Variants in PARD3B observed in about 807,000 individuals in gnomAD.
PARD3B encodes partitioning defective 3 homolog B.
A neutral mutation model predicts 130.2 loss-of-function variants in PARD3B; 103 were observed. That is an observed-to-expected ratio of 0.79 (90% CI 0.67 to 0.93). PARD3B has a LOEUF of 0.93. PARD3B is among the 40% of genes least tolerant of loss of function. The pLI is 0.00. For missense variants in PARD3B, 1,609 were observed against 1,499.2 expected (o/e 1.07, Z -1.21); for synonymous variants, 583 against 553.2 (o/e 1.05, Z -0.76).
intron 10 of PARD3B, among the ~76,000 whole-genome samples, chr2:205,156,334 G>A (rs1412489585): frequency 6.6e-6 from 1 of 151,164 alleles, no homozygotes; most frequent in Non-Finnish European, 1.5e-5. Flanking sequence ...AATGGGTGCA[G>A]CACACCAGCA....
chr2:204,638,949 C>A (rs1325866689), intron 1 of PARD3B, among the ~76,000 whole-genome samples: 4 of 151,962 alleles, frequency 2.6e-5, no homozygotes, highest in Non-Finnish European at 5.9e-5. Context: ...TGCTTATTAA[C>A]TATGTGTCCT....
chr2:205,239,916 TTCAGCAAAAGCC>T (rs1215035320), intron 15 of PARD3B, among the ~76,000 whole-genome samples: 1 of 152,162 alleles, frequency 6.6e-6, no homozygotes, highest in Admixed American at 6.5e-5. Context: ...TAGCCCCCTT[TTCAGCAAAAGCC>T]TTGTTTTGTG....
chr2:205,331,911 G>A (rs568600462), intron 18 of PARD3B, among the ~76,000 whole-genome samples: 1 of 150,644 alleles, frequency 6.6e-6, no homozygotes, highest in Non-Finnish European at 1.5e-5. Flanking sequence ...TTCAAAACCA[G>A]TTCGGCCAAC....
chr2:204,688,850 C>A (rs193116220), intron 2 of PARD3B, among the ~76,000 whole-genome samples: 1 of 152,184 alleles, frequency 6.6e-6, no homozygotes, highest in Non-Finnish European at 1.5e-5. Flanking sequence ...AATTGGCTAC[C>A]TAATAATCTT....
In PARD3B at chr2:205,288,688, G is replaced by C. The variant is rs112455278; in HGVS notation, c.2186-11842G>C. On this transcript the variant is annotated intron_variant, in intron 16 of 22. Transcript: ENST00000406610. This position sits in a 1 kb window ranked among gnomAD's most constrained non-coding sequence, Gnocchi z 4.0. ...TTGTTACTAGTCACTCCATCCTCCC[G>C]GTGTCCCCACCCCCCAGGAGACGTG... Among the ~76,000 whole-genome samples the C allele has an allele frequency of 6.6e-6, 1 of 151,826 alleles. No homozygotes were observed. The highest frequency in any genetic ancestry group is 1.5e-5 in the Non-Finnish European group (1 of 67,956).
rs1490067897 is a variant in PARD3B, at chr2:204,673,140, G to A, written c.121-13041G>A. Reference sequence around the variant, plus strand: ...TCATACTTTTTCCACGAAGCATTTTGGGGAGTATGCTGAATTATCCTATTT... The same window carrying A: ...TCATACTTTTTCCACGAAGCATTTTAGGGAGTATGCTGAATTATCCTATTT... On this transcript the variant is annotated intron_variant, in intron 1 of 22. Transcript: ENST00000406610. This position sits in a 1 kb window ranked among gnomAD's most constrained non-coding sequence, Gnocchi z 4.7. 6.6e-6 allele frequency among the ~76,000 whole-genome samples: 1 copy of A among 152,128 alleles called. No homozygotes were observed. Among genetic ancestry groups the A allele is most frequent in the African/African-American group, 2.4e-5 (1 of 41,430 alleles).
chr2:204,676,017 A>G (rs530445001), intron 1 of PARD3B, among the ~76,000 whole-genome samples: 91 of 152,106 alleles, frequency 6.0e-4, no homozygotes, highest in Middle Eastern at 6.8e-3. Flanking sequence ...TCTTTAAAAT[A>G]AGAGGCCTAT....
intron 3 of PARD3B, among the ~76,000 whole-genome samples, chr2:205,014,822 GA>G (rs1235562211): frequency 6.6e-6 from 1 of 152,204 alleles, no homozygotes; most frequent in Non-Finnish European, 1.5e-5. Flanking sequence ...ATTAGAGTCA[GA>G]GAAGGTTTCT....
At chr2:205,251,105 C>G (rs1262806336) in intron 16 of PARD3B, among the ~76,000 whole-genome samples, 1 of 152,126 alleles carries the variant, frequency 6.6e-6, no homozygotes, top group Admixed American at 6.5e-5. Flanking sequence ...ACATATCAAG[C>G]TATCTGATAC....
At chr2:205,522,242 A>C (rs1412268477) in intron 21 of PARD3B, among the ~76,000 whole-genome samples, 1 of 151,784 alleles carries the variant, frequency 6.6e-6, no homozygotes, top group African/African-American at 2.4e-5. Flanking sequence ...TTTTGAACTT[A>C]GTTTAGGTAT....
At chr2:204,725,982 A>C (rs1042848655) in intron 2 of PARD3B, among the ~76,000 whole-genome samples, 1 of 152,194 alleles carries the variant, frequency 6.6e-6, no homozygotes, top group African/African-American at 2.4e-5. Context: ...CTGATTGGGA[A>C]GCTAAGAAGC....
chr2:204,858,056 A>G (rs2045026890), intron 2 of PARD3B, among the ~76,000 whole-genome samples: 1 of 152,188 alleles, frequency 6.6e-6, no homozygotes, highest in African/African-American at 2.4e-5. Context: ...AAATTATGGT[A>G]TAAATGGATA....
In PARD3B at chr2:205,452,633, T is replaced by A. The variant is rs145865102; in HGVS notation, c.3044+11961T>A. Among the ~76,000 whole-genome samples the A allele has an allele frequency of 3.8e-3, 579 of 152,328 alleles. 3 individuals are homozygous for A. Among genetic ancestry groups the A allele is most frequent in the African/African-American group, 0.013 (533 of 41,574 alleles). ...AGATAAATGCTAATAGTAACTGATA[T>A]ACCATTAACTCTACTTTCCTCCATC... is the stretch of plus-strand genomic sequence containing the variant. On this transcript the variant is annotated intron_variant, in intron 20 of 22. Coordinates refer to ENST00000406610, the MANE Select transcript of PARD3B (RefSeq NM_001302769.2).
intron 1 of PARD3B, among the ~76,000 whole-genome samples, chr2:204,588,723 G>T (rs377368736): frequency 2.6e-5 from 4 of 152,122 alleles, no homozygotes; most frequent in African/African-American, 9.7e-5. Flanking sequence ...TCAGAAAAAT[G>T]TATTCCCCAC....
At chr2:204,573,896 A>G (rs2032126287) in intron 1 of PARD3B, among the ~76,000 whole-genome samples, 1 of 152,184 alleles carries the variant, frequency 6.6e-6, no homozygotes, top group African/African-American at 2.4e-5. Context: ...TGCTGAGCCC[A>G]GGGTTAACTA....
intron 1 of PARD3B, among the ~76,000 whole-genome samples, chr2:204,556,097 C>T (rs10190012): frequency 0.061 from 9,257 of 152,256 alleles, 911 homozygotes; most frequent in African/African-American, 0.21. Flanking sequence ...CATAGTAGGG[C>T]ATCAGTAAGT....
chr2:205,069,904 A>T (rs2125481061), intron 4 of PARD3B, among the ~76,000 whole-genome samples: 1 of 152,266 alleles, frequency 6.6e-6, no homozygotes, highest in Non-Finnish European at 1.5e-5. Context: ...TTCTTGTTTA[A>T]TCCCCCACTA....
At chr2:204,550,479 A>G (rs1241431404) in intron 1 of PARD3B, among the ~76,000 whole-genome samples, 1 of 151,130 alleles carries the variant, frequency 6.6e-6, no homozygotes, top group Non-Finnish European at 1.5e-5. Flanking sequence ...AATAAGGGAA[A>G]GGCTTGTCTA....
intron 19 of PARD3B, among the ~76,000 whole-genome samples, chr2:205,438,782 G>A (rs2047608537): frequency 6.6e-6 from 1 of 152,126 alleles, no homozygotes; most frequent in Admixed American, 6.5e-5. Flanking sequence ...GTTGCCGTAT[G>A]CAAAAATATA....
Sources: gnomAD v4.1 joint callset for allele counts (sites outside exome capture counted in the v4.1 genomes callset) on GRCh38, gnomAD v4.1.1 for gene constraint, Gnocchi (gnomAD v3.1) non-coding constraint, MANE v1.5 for transcripts, NCBI Gene and HGNC (gene_info 2026-07-23, HGNC 2026-07-21) for gene names.